The following NRIP2 variants were observed in gnomAD, a reference collection of about 807,000 sequenced individuals.
NRIP2 encodes nuclear receptor interacting protein 2, also known as nuclear receptor-interacting protein 2.
NRIP2 carries 27 observed loss-of-function variants against 34.1 expected under a neutral mutation model. The ratio of observed to expected loss-of-function variants is 0.79; its 90% confidence interval spans 0.58 to 1.09. The LOEUF is 1.09. NRIP2 is among the 50% of genes least tolerant of loss of function. NRIP2 has a pLI of 0.00. For missense variants in NRIP2, 385 were observed against 352.6 expected (o/e 1.09, Z -0.74); for synonymous variants, 145 against 146.9 (o/e 0.99, Z 0.09).
chr12:2,827,533 C>T lies in NRIP2; in HGVS notation c.753+92G>A. 1 of 1,593,122 alleles carries T rather than the reference C, an allele frequency of 6.3e-7. No homozygotes were observed. The highest frequency in any genetic ancestry group is 8.5e-7 in the Non-Finnish European group (1 of 1,172,546). The stretch of plus-strand genomic sequence containing the variant: ...AAGGGACAGTTGCCCATCTCTAAGT[C>T]ACTCTCATCAGAACCTGGTCCAGGT... On this transcript the variant is annotated intron_variant, in intron 5 of 5. Transcript: ENST00000337508. The surrounding 1 kb of genome is among the most constrained non-coding windows in gnomAD (Gnocchi z 4.0).
At chr12:2,828,191 G>T (rs1423876955) in intron 3 of NRIP2, 141 bp downstream of exon 3, 18 of 1,140,030 alleles carry the variant, frequency 1.6e-5, no homozygotes, top group Non-Finnish European at 2.3e-5. Context: ...CTCTGCCAGA[G>T]TCTTCTAGCC....
At chr12:2,832,459 C>T (rs1180693516) in intron 1 of NRIP2, among the ~76,000 whole-genome samples, 2 of 151,940 alleles carry the variant, frequency 1.3e-5, no homozygotes, top group South Asian at 2.1e-4. Context: ...TCACTCTTCT[C>T]GAGGCTAGAC....
At position 2,827,291 on chromosome 12, in the gene NRIP2, G is replaced by A. The variant is rs780917168; in HGVS notation, c.762C>T (p.Ile254=). 36 of 1,613,534 alleles carry A rather than the reference G, an allele frequency of 2.2e-5. No homozygotes were observed. In the South Asian group the frequency reaches 2.7e-4, roughly 12 times the overall value. Residue 254 remains isoleucine, a synonymous_variant, in exon 6 of 6, where the codon ATC becomes ATT. Coordinates refer to ENST00000337508, the MANE Select transcript of NRIP2 (RefSeq NM_031474.3). This position sits in a 1 kb window ranked among gnomAD's most constrained non-coding sequence, Gnocchi z 4.0. ...GCCGCAGCACTCCGTGCTCCAGGTC[G>A]ATGCAGCACTGCGGGGTGTAGAGCA... ...LQTLLSLKCC[I]DLEHGVLRLK... is the part of the protein sequence containing the mutation.
In NRIP2 at chr12:2,830,853, C is replaced by G; in HGVS notation, c.350G>C (p.Arg117Pro). 1.2e-6 allele frequency: 2 copies of G among 1,612,508 alleles called. No homozygotes were observed. The highest frequency in any genetic ancestry group is 2.2e-5 in the South Asian group (2 of 90,822). The change falls in exon 2 of 6, where the codon CGC becomes CCC. Residue 117 changes from arginine (R) to proline (P), a missense_variant. Physicochemically the swap from Arg to Pro is moderately radical, Grantham distance 103 (BLOSUM62 -2). Transcript: ENST00000337508. ...CACCAGGCGTCTTTGGATCACACTG[C>G]GCGGCTGCTGGCTCCATCACAAAAC... ...RLGTSKDLQPRSVIQRRLVEG... is the reference protein window; with the variant it reads ...RLGTSKDLQPPSVIQRRLVEG...
intron 1 of NRIP2, among the ~76,000 whole-genome samples, chr12:2,834,044 A>G (rs946899233): frequency 2.0e-5 from 3 of 152,124 alleles, no homozygotes; most frequent in Non-Finnish European, 2.9e-5. Flanking sequence ...CATTCCTCTG[A>G]GGCCAAAGCT....
At position 2,828,503 on chromosome 12, in the gene NRIP2, C is replaced by T. The variant is rs530207844; in HGVS notation, c.496-89G>A. ...TCAGTTTCCCAGCCCATTGATGATTCCCTCCTAGAAATGAGTGGAGAAAAT... is the reference window on the plus strand; with the variant it reads ...TCAGTTTCCCAGCCCATTGATGATTTCCTCCTAGAAATGAGTGGAGAAAAT... On this transcript the variant is annotated intron_variant, in intron 2 of 5. Transcript: ENST00000337508. 7.0e-6 allele frequency: 7 copies of T among 1,002,044 alleles called. No homozygotes were observed. The South Asian group carries it at 9.4e-5, about 13-fold the overall frequency. The allele number at this position is 1,002,044 out of a possible 1,614,324, so 62.1% of individuals were successfully genotyped here.
intron 2 of NRIP2, chr12:2,830,440 ACTGAGGAGTACTTAC>A: frequency 5.4e-6 from 2 of 373,412 alleles, no homozygotes; most frequent in South Asian, 5.3e-5. Flanking sequence ...TGTAGAGCAC[ACTGAGGAGTACTTAC>A]TTAATTTAAG....
intron 1 of NRIP2, 102 bp from the exon 2 acceptor site, chr12:2,830,962 C>G (rs531253806): frequency 1.5e-6 from 2 of 1,292,492 alleles, no homozygotes; most frequent in South Asian, 1.4e-5. Context: ...CCCCCACCCC[C>G]CCAGCCCTGA....
chr12:2,833,202 C>T lies in NRIP2; in HGVS notation c.342+1440G>A, dbSNP rs557942306. Among the ~76,000 whole-genome samples, 12 of 152,078 alleles carry T rather than the reference C, an allele frequency of 7.9e-5. No homozygotes were observed. In the South Asian group the frequency reaches 2.3e-3, roughly 29 times the overall value. ...CATTAGAAGGCGGGACCTGCCACTC[C>T]GGGATGGCAATGTCAGTAGAGCACC... On this transcript the variant is annotated intron_variant, in intron 1 of 5. Coordinates refer to ENST00000337508, the MANE Select transcript of NRIP2 (RefSeq NM_031474.3).
In NRIP2 at chr12:2,826,954, T is replaced by C. The variant is rs372958207; in HGVS notation, c.*253A>G. Reference sequence around the variant, plus strand: ...TGGTCTTGATTTGGCTTTGCTTTTCTTGGGAGGAAGATGAATCAGAATCCT... The same window carrying C: ...TGGTCTTGATTTGGCTTTGCTTTTCCTGGGAGGAAGATGAATCAGAATCCT... On this transcript the variant is annotated 3_prime_UTR_variant, in exon 6 of 6. Coordinates refer to ENST00000337508, the MANE Select transcript of NRIP2 (RefSeq NM_031474.3). The C allele has an allele frequency of 7.6e-7, 1 of 1,317,370 alleles. No homozygotes were observed. Among genetic ancestry groups the C allele is most frequent in the Admixed American group, 3.7e-5 (1 of 27,290 alleles). 81.6% of individuals were successfully genotyped at this position (1,317,370 alleles called of 1,614,324 possible).
chr12:2,830,991 A>G (rs1304264347), intron 1 of NRIP2, 131 bp from the exon 2 acceptor site: 1 of 791,164 alleles, frequency 1.3e-6, no homozygotes, highest in Admixed American at 4.3e-5. Context: ...CTAGGAGTTT[A>G]CCCTAGGGTC....
At position 2,826,763 on chromosome 12, in the gene NRIP2, T is replaced by G. The variant is rs200857180; in HGVS notation, c.*444A>C. 2.1e-5 allele frequency: 4 copies of G among 191,938 alleles called. No individual in the cohort carries two copies. Among genetic ancestry groups the G allele is most frequent in the African/African-American group, 2.4e-5 (1 of 41,176 alleles). 11.9% of individuals were successfully genotyped at this position (191,938 alleles called of 1,614,324 possible). ...GACATAGGTTGGTGAGGCATGGCGG[T>G]CTAGTTGTGGGAGATAATGAGGCCC... On this transcript the variant is annotated 3_prime_UTR_variant, in exon 6 of 6. Transcript: ENST00000337508.
In NRIP2 at chr12:2,826,803, GAGAC is replaced by G; in HGVS notation, c.*400_*403del. The G allele has an allele frequency of 5.2e-5, 13 of 250,782 alleles. No homozygotes were observed. The highest frequency in any genetic ancestry group is 1.4e-4 in the South Asian group (3 of 21,404). 15.5% of individuals were successfully genotyped at this position (250,782 alleles called of 1,614,324 possible). A position where few individuals can be genotyped will look rare whatever the true frequency, so the allele number is the denominator to read the frequency against. ...TAATGAGGCCCAGAAGGTGTGGTGA[GAGAC>G]ATGGTGGTGTGGGAAGTTGAGTTGT... On this transcript the variant is annotated 3_prime_UTR_variant, in exon 6 of 6. Coordinates refer to ENST00000337508, the MANE Select transcript of NRIP2 (RefSeq NM_031474.3).
rs1410493845 is a variant in NRIP2, at chr12:2,827,250, G to A, written c.803C>T (p.Ser268Leu). ...GTACAAAGGCAGGAAGGGTAGCTCTGAGAACGGGGCTTTCAGCCGCAGCAC... is the reference window on the plus strand; with the variant it reads ...GTACAAAGGCAGGAAGGGTAGCTCTAAGAACGGGGCTTTCAGCCGCAGCAC... ...HGVLRLKAPFSELPFLPLYQE... is the reference protein window; with the variant it reads ...HGVLRLKAPFLELPFLPLYQE... Residue 268 changes from serine (S) to leucine (L), a missense_variant, in exon 6 of 6, where the codon TCA (serine) becomes TTA (leucine). Coordinates refer to ENST00000337508, the MANE Select transcript of NRIP2 (RefSeq NM_031474.3). The surrounding 1 kb of genome is among the most constrained non-coding windows in gnomAD (Gnocchi z 4.0). 1 of 1,614,134 alleles carries A rather than the reference G, an allele frequency of 6.2e-7. No homozygotes were observed. The highest frequency in any genetic ancestry group is 8.5e-7 in the Non-Finnish European group (1 of 1,180,020).
chr12:2,830,873 C>T lies in NRIP2; in HGVS notation c.343-13G>A. 1 of 1,610,338 alleles carries T rather than the reference C, an allele frequency of 6.2e-7. No homozygotes were observed. The highest frequency in any genetic ancestry group is 8.5e-7 in the Non-Finnish European group (1 of 1,178,350). ...CACTGCGCGGCTGCTGGCTCCATCA[C>T]AAAACAATGAAGGTAGGCAGTTCTA... is the stretch of plus-strand genomic sequence containing the variant. On this transcript the variant is annotated splice_polypyrimidine_tract_variant and intron_variant, in intron 1 of 5. Transcript: ENST00000337508.
intron 2 of NRIP2, 133 bp downstream of exon 2, chr12:2,830,574 TA>T (rs2097996400): frequency 1.1e-6 from 1 of 914,990 alleles, no homozygotes; most frequent in African/African-American, 1.7e-5. Flanking sequence ...GGATCCTGGT[TA>T]GGTCCAGGCT....
At chr12:2,832,716 C>T in intron 1 of NRIP2, among the ~76,000 whole-genome samples, 1 of 149,998 alleles carries the variant, frequency 6.7e-6, no homozygotes, top group Non-Finnish European at 1.5e-5. Flanking sequence ...CTACCTCACT[C>T]ATTTTTATAT....
In NRIP2 at chr12:2,827,251, A is replaced by C. The variant is rs775679347; in HGVS notation, c.802T>G (p.Ser268Ala). Residue 268 changes from serine to alanine, a missense_variant, in exon 6 of 6, where the codon TCA (serine) becomes GCA (alanine). Ser to Ala is a moderately conservative substitution (Grantham distance 99, BLOSUM62 1). Coordinates refer to ENST00000337508, the MANE Select transcript of NRIP2 (RefSeq NM_031474.3). This position sits in a 1 kb window ranked among gnomAD's most constrained non-coding sequence, Gnocchi z 4.0. ...HGVLRLKAPF[S>A]ELPFLPLYQE... ...TACAAAGGCAGGAAGGGTAGCTCTG[A>C]GAACGGGGCTTTCAGCCGCAGCACT... 34 of 1,614,016 alleles carry C rather than the reference A, an allele frequency of 2.1e-5. No individual in the cohort carries two copies. The highest frequency in any genetic ancestry group is 2.9e-5 in the Non-Finnish European group (34 of 1,180,026).
Position 2,827,537 on chromosome 12 carries a change from C to G in NRIP2, c.753+88G>C, listed in dbSNP as rs2097974561. 1.3e-6 allele frequency: 2 copies of G among 1,596,444 alleles called. No individual in the cohort carries two copies. The highest frequency in any genetic ancestry group is 1.7e-6 in the Non-Finnish European group (2 of 1,173,822). On this transcript the variant is annotated intron_variant, in intron 5 of 5. Transcript: ENST00000337508. This position sits in a 1 kb window ranked among gnomAD's most constrained non-coding sequence, Gnocchi z 4.0. ...GACAGTTGCCCATCTCTAAGTCACT[C>G]TCATCAGAACCTGGTCCAGGTTCCA... is the stretch of plus-strand genomic sequence containing the variant.
Sources: allele counts gnomAD v4.1 joint callset (sites outside exome capture counted in the v4.1 genomes callset), GRCh38; gene constraint gnomAD v4.1.1; non-coding constraint Gnocchi (gnomAD v3.1); transcripts MANE v1.5; gene names NCBI Gene and HGNC (gene_info 2026-07-23, HGNC 2026-07-21).